DPYD: variants seen among roughly 807,000 people sequenced by gnomAD.
DPYD encodes the protein dihydropyrimidine dehydrogenase [NADP(+)].
DPYD carries 109 observed loss-of-function variants against 116.2 expected under a neutral mutation model. The observed-to-expected ratio is 0.94, with a 90% confidence interval of 0.80 to 1.10. The LOEUF is 1.10. Ranked by LOEUF, DPYD falls within the 50% of genes least tolerant of loss-of-function variation. DPYD has a pLI of 0.00. For synonymous variants in DPYD, 440 were observed against 432.0 expected, an observed-to-expected ratio of 1.02 and a Z score of -0.23; for missense variants, 1,302 against 1,254.5, an observed-to-expected ratio of 1.04 and a Z score of -0.57.
intron 20 of DPYD, among the ~76,000 whole-genome samples, chr1:97,130,735 T>C (rs1653224207): frequency 1.0e-5 from 1 of 98,964 alleles, no homozygotes; most frequent in Non-Finnish European, 2.3e-5. Context: ...TCTTTCTTCC[T>C]TTCTTTCTTC....
intron 16 of DPYD, among the ~76,000 whole-genome samples, chr1:97,326,803 AATAAATT>A (rs1668726745): frequency 6.6e-6 from 1 of 151,970 alleles, no homozygotes; most frequent in Admixed American, 6.6e-5. Flanking sequence ...GAAAACTAAC[AATAAATT>A]AATCTGAACT....
At chr1:97,322,975 A>G (rs777794642) in intron 16 of DPYD, 23 of 151,646 alleles carry the variant, frequency 1.5e-4, no homozygotes, top group Admixed American at 4.0e-4. Flanking sequence ...ATTTCTCAGC[A>G]TCTCTTATTC....
chr1:97,409,954 T>G (rs1673884264), intron 14 of DPYD, among the ~76,000 whole-genome samples: 1 of 152,062 alleles, frequency 6.6e-6, no homozygotes. Context: ...GGTGCTCACC[T>G]GTAATCCCAG....
At chr1:97,592,770 C>T (rs886327849) in intron 10 of DPYD, among the ~76,000 whole-genome samples, 2 of 152,266 alleles carry the variant, frequency 1.3e-5, no homozygotes, top group Admixed American at 1.3e-4. Context: ...ATTTGCTTCA[C>T]AAATAATGAA....
At chr1:97,756,294 C>T (rs958137556) in intron 3 of DPYD, among the ~76,000 whole-genome samples, 14 of 152,104 alleles carry the variant, frequency 9.2e-5, no homozygotes, top group African/African-American at 2.4e-4. Context: ...CCCATTTGCA[C>T]GATGAGTTAC....
intron 20 of DPYD, among the ~76,000 whole-genome samples, chr1:97,138,776 C>G (rs746585051): frequency 5.9e-5 from 9 of 152,074 alleles, no homozygotes; most frequent in Non-Finnish European, 1.0e-4. Context: ...AGGAGTCACT[C>G]AAGATAGTGT....
intron 15 of DPYD, among the ~76,000 whole-genome samples, chr1:97,378,923 TA>T (rs2101547305): frequency 1.3e-5 from 2 of 152,332 alleles, no homozygotes; most frequent in East Asian, 3.9e-4. Flanking sequence ...TTGGGGAGCC[TA>T]ATGCTTAAAT....
intron 8 of DPYD, among the ~76,000 whole-genome samples, chr1:97,650,650 TAAAC>T (rs1246425853): frequency 2.0e-5 from 3 of 152,144 alleles, no homozygotes; most frequent in African/African-American, 4.8e-5. Flanking sequence ...AGAGGCAAGT[TAAAC>T]AAACAGATAG....
At chr1:97,324,441 C>G (rs1668606653) in intron 16 of DPYD, among the ~76,000 whole-genome samples, 1 of 151,974 alleles carries the variant, frequency 6.6e-6, no homozygotes, top group South Asian at 2.1e-4. Context: ...AAATTGTGGT[C>G]AAGGTAGCCA....
chr1:97,227,052 G>A (rs773952454), intron 19 of DPYD, among the ~76,000 whole-genome samples: 1 of 152,038 alleles, frequency 6.6e-6, no homozygotes, highest in Non-Finnish European at 1.5e-5. Context: ...ATTGGGCTGG[G>A]CATGGTGGCT....
intron 8 of DPYD, among the ~76,000 whole-genome samples, chr1:97,620,497 T>C (rs771051962): frequency 3.9e-5 from 6 of 152,136 alleles, no homozygotes; most frequent in Non-Finnish European, 8.8e-5. Context: ...ATTACAAGTG[T>C]GAGCCAAGGC....
intron 14 of DPYD, among the ~76,000 whole-genome samples, chr1:97,449,558 GTTCT>G (rs1229060460): frequency 1.3e-5 from 2 of 151,944 alleles, no homozygotes; most frequent in Admixed American, 6.6e-5. Flanking sequence ...TTTAGGCATG[GTTCT>G]TTAAGAGAAA....
intron 20 of DPYD, among the ~76,000 whole-genome samples, chr1:97,105,108 CT>C (rs1196018686): frequency 6.6e-6 from 1 of 152,070 alleles, no homozygotes; most frequent in Non-Finnish European, 1.5e-5. Flanking sequence ...TATCAGGTCT[CT>C]CTTTAAAAAC....
At chr1:97,429,526 T>G (rs530932447) in intron 14 of DPYD, among the ~76,000 whole-genome samples, 1 of 152,060 alleles carries the variant, frequency 6.6e-6, no homozygotes, top group Admixed American at 6.6e-5. Context: ...ATAGGAGAGA[T>G]TGAAAACTCT....
chr1:97,647,697 A>G (rs1658349213), intron 8 of DPYD, among the ~76,000 whole-genome samples: 1 of 152,056 alleles, frequency 6.6e-6, no homozygotes, highest in Admixed American at 6.6e-5. Context: ...TTATATCTGC[A>G]TAGTATCTTT....
At chr1:97,709,133 T>C (rs1156927337) in intron 5 of DPYD, among the ~76,000 whole-genome samples, 1 of 151,898 alleles carries the variant, frequency 6.6e-6, no homozygotes, top group African/African-American at 2.4e-5. Flanking sequence ...TCTTGTCTTA[T>C]AAATTGCATT....
At chr1:97,586,461 CATACATAT>C (rs1654107683) in intron 10 of DPYD, among the ~76,000 whole-genome samples, 4 of 46,590 alleles carry the variant, frequency 8.6e-5, no homozygotes, top group Admixed American at 3.2e-4. Context: ...AAAATACATA[CATACATAT>C]ATATATATAT....
chr1:97,102,731 C>A (rs995542835), intron 20 of DPYD, among the ~76,000 whole-genome samples: 72 of 151,808 alleles, frequency 4.7e-4, no homozygotes, highest in African/African-American at 1.7e-3. Flanking sequence ...TAAACAATTT[C>A]CAGACAGTGT....
chr1:97,401,315 T>TG (rs1405245430), intron 14 of DPYD, among the ~76,000 whole-genome samples: 1 of 152,056 alleles, frequency 6.6e-6, no homozygotes, highest in East Asian at 1.9e-4. Context: ...AGTTTTTTTT[T>TG]GTTTGTTTGT....
Sources: allele counts gnomAD v4.1 joint callset (sites outside exome capture counted in the v4.1 genomes callset), GRCh38; gene constraint gnomAD v4.1.1; transcripts MANE v1.5; gene names NCBI Gene and HGNC (gene_info 2026-07-23, HGNC 2026-07-21).